The following KIF17 variants were observed in gnomAD, a reference collection of about 807,000 sequenced individuals.
KIF17 encodes kinesin-like protein KIF17.
A neutral mutation model predicts 96.8 loss-of-function variants in KIF17; 80 were observed. The observed-to-expected ratio is 0.83, with a 90% CI of 0.69 to 1.00. The LOEUF (loss-of-function observed/expected upper bound fraction) is 1.00, where lower values mean the gene tolerates loss of function less well. Among genes scored for constraint, KIF17 ranks in the 50% least tolerant of loss-of-function variants. KIF17 has a pLI of 0.00. For synonymous variants in KIF17, 567 were observed against 587.5 expected (o/e 0.97, Z 0.51); for missense variants, 1,280 against 1,372.9 (o/e 0.93, Z 1.07).
rs1157664911 is a variant in KIF17 at position 20,699,238 on chromosome 1, C to T, written c.1124-750G>A. Reference sequence around the variant, plus strand: ...TGCTGGGATTACAGGGGTGAGCTGCCTTGCCCGGCCCAAGTTGCCATTTAA... The same window carrying T: ...TGCTGGGATTACAGGGGTGAGCTGCTTTGCCCGGCCCAAGTTGCCATTTAA... On this transcript the variant is annotated intron_variant, in intron 5 of 14. Transcript: ENST00000400463. The surrounding 1 kb of genome is among the most constrained non-coding windows in gnomAD (Gnocchi z 4.3). 6.6e-6 allele frequency among the ~76,000 whole-genome samples: 1 copy of T among 152,162 alleles called. No individual in the cohort carries two copies. The highest frequency in any genetic ancestry group is 1.5e-5 in the Non-Finnish European group (1 of 68,046).
At position 20,687,408 on chromosome 1, in the gene KIF17, C is replaced by T. The variant is rs1453525688; in HGVS notation, c.1918G>A (p.Val640Ile). 4.3e-6 allele frequency: 7 copies of T among 1,613,346 alleles called. No homozygotes were observed. The highest frequency in any genetic ancestry group is 2.2e-5 in the East Asian group (1 of 44,890). ...GCTACCTGCACAGGGACCTTGGGGA[C>T]GTCTGCCTGGGGTGCATCTGTCCTG... is the stretch of plus-strand genomic sequence containing the variant. ...VARTDAPQAD[V>I]PKVPVQVPAP... The change falls in exon 8 of 15, where the codon GTC (valine) becomes ATC (isoleucine). Residue 640 changes from valine to isoleucine, a missense_variant. Transcript: ENST00000400463. This position sits in a 1 kb window ranked among gnomAD's most constrained non-coding sequence, Gnocchi z 4.4.
chr1:20,677,490 G>C (rs1167259311), intron 11 of KIF17, among the ~76,000 whole-genome samples: 1 of 152,198 alleles, frequency 6.6e-6, no homozygotes, highest in Non-Finnish European at 1.5e-5. Context: ...AACACCCCAA[G>C]TGTTTATCAA....
intron 4 of KIF17, among the ~76,000 whole-genome samples, chr1:20,706,451 C>A (rs1282721590): frequency 6.6e-6 from 1 of 151,640 alleles, no homozygotes; most frequent in Non-Finnish European, 1.5e-5. Context: ...ATTAGCCGGG[C>A]GTGGTGGCAC....
In KIF17 at chr1:20,666,839, A is replaced by G. The variant is rs143912548; in HGVS notation, c.2791-508T>C. Among the ~76,000 whole-genome samples the G allele has an allele frequency of 8.5e-4, 129 of 152,232 alleles. 1 individual carries two copies. The highest frequency in any genetic ancestry group is 5.6e-3 in the Admixed American group (85 of 15,294). ...TTCTTCAATCTAAATCTCCCTTTTC[A>G]GGGAATTGTCCTTCTTCCACTTGAC... On this transcript the variant is annotated intron_variant, in intron 13 of 14. Transcript: ENST00000400463.
chr1:20,700,456 C>T lies in KIF17; in HGVS notation c.1124-1968G>A, dbSNP rs76311597. Among the ~76,000 whole-genome samples, 7,453 of 152,208 alleles carry T rather than the reference C, an allele frequency of 0.049. 252 individuals are homozygous for T. The highest frequency in any genetic ancestry group is 0.1 in the Admixed American group (1,605 of 15,290). ...TTGAGAGAACGTGAGAAGCCAGGGGCGACCCCAAGTGTCTGGTTTGAACAC... is the reference window on the plus strand; with the variant it reads ...TTGAGAGAACGTGAGAAGCCAGGGGTGACCCCAAGTGTCTGGTTTGAACAC... On this transcript the variant is annotated intron_variant, in intron 5 of 14. Transcript: ENST00000400463. This position sits in a 1 kb window ranked among gnomAD's most constrained non-coding sequence, Gnocchi z 4.6.
rs955194598 is a variant in KIF17 at position 20,709,106 on chromosome 1, A to G, written c.670+533T>C. Among the ~76,000 whole-genome samples the G allele has an allele frequency of 6.6e-6, 1 of 152,208 alleles. No homozygotes were observed. The highest frequency in any genetic ancestry group is 1.5e-5 in the Non-Finnish European group (1 of 68,026). On this transcript the variant is annotated intron_variant, in intron 4 of 14. Transcript: ENST00000400463. This position sits in a 1 kb window ranked among gnomAD's most constrained non-coding sequence, Gnocchi z 4.7. Reference sequence around the variant, plus strand: ...ATAATGCACACACATTGCCTGGCACACTGGCCGGGCGCAGTGGCTCAAGCC... The same window carrying G: ...ATAATGCACACACATTGCCTGGCACGCTGGCCGGGCGCAGTGGCTCAAGCC...
Position 20,704,398 on chromosome 1 carries a change from T to C in KIF17, c.1123+49A>G. ...GGCGAGAAGACAGAGGGAAGGAAGC[T>C]TTCTCCTGGGGACCTGGCCCTCCCG... On this transcript the variant is annotated intron_variant, in intron 5 of 14. Transcript: ENST00000400463. This position sits in a 1 kb window ranked among gnomAD's most constrained non-coding sequence, Gnocchi z 6.8. The C allele has an allele frequency of 1.3e-6, 2 of 1,490,632 alleles. No homozygotes were observed. Among genetic ancestry groups the C allele is most frequent in the Non-Finnish European group, 1.8e-6 (2 of 1,081,102 alleles). 92.3% of individuals were successfully genotyped at this position (1,490,632 alleles called of 1,614,324 possible). A position where few individuals can be genotyped will look rare whatever the true frequency, so the allele number is the denominator to read the frequency against.
intron 3 of KIF17, among the ~76,000 whole-genome samples, chr1:20,712,854 T>TAGATAA (rs1282786976): frequency 8.9e-5 from 2 of 22,598 alleles, no homozygotes; most frequent in African/African-American, 2.6e-4. Flanking sequence ...ATAGATAATA[T>TAGATAA]TATCTATATT....
Position 20,685,311 on chromosome 1 carries a change from T to C in KIF17, c.2020-291A>G. ...CATCTTAAAATAGAAACCGATCACA[T>C]CCCGTTCCCGATGAGCCCCATGTGA... On this transcript the variant is annotated intron_variant, in intron 9 of 14. Coordinates refer to ENST00000400463, the MANE Select transcript of KIF17 (RefSeq NM_001122819.3). The surrounding 1 kb of genome is among the most constrained non-coding windows in gnomAD (Gnocchi z 4.1). 1.7e-6 allele frequency: 1 copy of C among 589,168 alleles called. No individual in the cohort carries two copies. The highest frequency in any genetic ancestry group is 3.2e-6 in the Non-Finnish European group (1 of 312,734). The allele number at this position is 589,168 out of a possible 1,614,324, so 36.5% of individuals were successfully genotyped here. A position where few individuals can be genotyped will look rare whatever the true frequency, so the allele number is the denominator to read the frequency against.
chr1:20,664,837 A>ATCCTACCCACT, intron 14 of KIF17, 75 bp from the exon 15 acceptor site: 1 of 1,386,302 alleles, frequency 7.2e-7, no homozygotes, highest in Non-Finnish European at 1.0e-6. Context: ...AGTGGGTAGG[A>ATCCTACCCACT]TGGAGAGCCT....
rs116007248 is a variant in KIF17 at position 20,684,503 on chromosome 1, G to A, written c.2231+306C>T. Among the ~76,000 whole-genome samples, 1,338 of 152,354 alleles carry A rather than the reference G, an allele frequency of 8.8e-3. 8 individuals carry two copies. The highest frequency in any genetic ancestry group is 0.02 in the Middle Eastern group (6 of 294). Reference sequence around the variant, plus strand: ...GTGGGTGAGTGGGTCTCACATTCAGGAGGGCACTGGAGGCCAGGGGGCTGG... The same window carrying A: ...GTGGGTGAGTGGGTCTCACATTCAGAAGGGCACTGGAGGCCAGGGGGCTGG... On this transcript the variant is annotated intron_variant, in intron 10 of 14. Transcript: ENST00000400463.
intron 6 of KIF17, among the ~76,000 whole-genome samples, chr1:20,695,813 C>T (rs938914464): frequency 2.6e-5 from 4 of 152,288 alleles, no homozygotes; most frequent in African/African-American, 7.2e-5. Context: ...ACAACACATG[C>T]TCTCTTACTT....
At chr1:20,698,256 TCAGGAC>T (rs2054175797) in intron 6 of KIF17, 117 bp downstream of exon 6, 1 of 724,626 alleles carries the variant, frequency 1.4e-6, no homozygotes, top group Non-Finnish European at 2.5e-6. Flanking sequence ...TTCAGCTTTC[TCAGGAC>T]CAAACCCACG....
In KIF17 at chr1:20,684,981, G is replaced by A. The variant is rs542213034; in HGVS notation, c.2059C>T (p.Arg687Trp). 8.8e-5 allele frequency: 142 copies of A among 1,604,754 alleles called. 2 individuals are homozygous for A. The South Asian group carries it at 1.1e-3, about 13-fold the overall frequency. Residue 687 changes from arginine to tryptophan, a missense_variant, in exon 10 of 15, where the codon CGG becomes TGG. Arg to Trp is a moderately radical substitution (Grantham distance 101). Transcript: ENST00000400463. ...LASEVALEVV[R>W]TAEPGVWLEA... is the part of the protein sequence containing the mutation. ...AACCACACGCCAGGCTCTGCTGTCCGCACCACCTCTAAGGCCACTTCCGAG... is the reference window on the plus strand; with the variant it reads ...AACCACACGCCAGGCTCTGCTGTCCACACCACCTCTAAGGCCACTTCCGAG...
intron 10 of KIF17, among the ~76,000 whole-genome samples, chr1:20,683,986 C>T (rs2053881578): frequency 6.6e-6 from 1 of 152,284 alleles, no homozygotes; most frequent in African/African-American, 2.4e-5. Flanking sequence ...ACTGCGTGCC[C>T]AGCGCGGGGC....
At position 20,699,615 on chromosome 1, in the gene KIF17, C is replaced by T. The variant is rs2154536906; in HGVS notation, c.1124-1127G>A. 6.6e-6 allele frequency among the ~76,000 whole-genome samples: 1 copy of T among 152,204 alleles called. No individual in the cohort carries two copies. Among genetic ancestry groups the T allele is most frequent in the South Asian group, 2.1e-4 (1 of 4,816 alleles). ...TTTATTGAAGGCCTTTTAGTCAAGGCATGAAGGAAGCAGCGAGGAGAGGGC... is the reference window on the plus strand; with the variant it reads ...TTTATTGAAGGCCTTTTAGTCAAGGTATGAAGGAAGCAGCGAGGAGAGGGC... On this transcript the variant is annotated intron_variant, in intron 5 of 14. Coordinates refer to ENST00000400463, the MANE Select transcript of KIF17 (RefSeq NM_001122819.3). This position sits in a 1 kb window ranked among gnomAD's most constrained non-coding sequence, Gnocchi z 4.3.
rs193174453 is a variant in KIF17 at position 20,700,367 on chromosome 1, G to A, written c.1124-1879C>T. On this transcript the variant is annotated intron_variant, in intron 5 of 14. Coordinates refer to ENST00000400463, the MANE Select transcript of KIF17 (RefSeq NM_001122819.3). The surrounding 1 kb of genome is among the most constrained non-coding windows in gnomAD (Gnocchi z 4.6). ...ATTACAGGCGTGAACCACTGCGCCC[G>A]GCCAGGCTGTAGCCAGTTTTGAAGG... 2.0e-3 allele frequency among the ~76,000 whole-genome samples: 307 copies of A among 152,270 alleles called. No individual in the cohort carries two copies. The highest frequency in any genetic ancestry group is 6.9e-3 in the African/African-American group (286 of 41,558).
chr1:20,671,999 G>A lies in KIF17; in HGVS notation c.2661C>T (p.Asp887=), dbSNP rs754502972. 1.1e-5 allele frequency: 17 copies of A among 1,614,060 alleles called. No homozygotes were observed. The highest frequency in any genetic ancestry group is 9.3e-5 in the African/African-American group (7 of 75,030). Residue 887 remains aspartate (D), a synonymous_variant, in exon 12 of 15, where the codon GAC becomes GAT. Coordinates refer to ENST00000400463, the MANE Select transcript of KIF17 (RefSeq NM_001122819.3). The part of the protein sequence containing the change: ...LEKILRESCW[D]EDNGFWKIPH... ...GGATCTTCCAGAAGCCGTTATCTTC[G>A]TCCCAGCAGGACTCACGCAGAATCT... is the stretch of plus-strand genomic sequence containing the variant.
chr1:20,673,819 G>T (rs945913085), intron 11 of KIF17, among the ~76,000 whole-genome samples: 10 of 152,050 alleles, frequency 6.6e-5, no homozygotes, highest in African/African-American at 2.4e-4. Context: ...GTGAGCCACC[G>T]CGCCCGGCCC....
Sources: allele counts gnomAD v4.1 joint callset (sites outside exome capture counted in the v4.1 genomes callset), GRCh38; gene constraint gnomAD v4.1.1; non-coding constraint Gnocchi (gnomAD v3.1); transcripts MANE v1.5; gene names NCBI Gene and HGNC (gene_info 2026-07-23, HGNC 2026-07-21).